SH3BP5: variants seen among roughly 807,000 people sequenced by gnomAD.
SH3BP5 encodes SH3 domain binding protein 5.
SH3BP5 carries 22 observed loss-of-function variants against 43.3 expected under a neutral mutation model. That is an observed-to-expected ratio of 0.51 (90% confidence interval 0.36 to 0.73). The LOEUF is 0.73. Ranked by LOEUF, SH3BP5 falls within the 30% of genes least tolerant of loss-of-function variation. The pLI, the probability that SH3BP5 is intolerant of heterozygous loss-of-function variation, is 0.00. For synonymous variants in SH3BP5, 255 were observed against 225.8 expected, an observed-to-expected ratio of 1.13 and a Z score of -1.16; for missense variants, 529 against 586.9, an observed-to-expected ratio of 0.90 and a Z score of 1.02.
At chr3:15,269,091 G>A (rs1235791027) in intron 4 of SH3BP5, among the ~76,000 whole-genome samples, 1 of 152,140 alleles carries the variant, frequency 6.6e-6, no homozygotes, top group Non-Finnish European at 1.5e-5. Context: ...TTCTGGCTCT[G>A]AGTAACGCAG....
intron 2 of SH3BP5, among the ~76,000 whole-genome samples, chr3:15,326,928 C>A (rs979024393): frequency 6.6e-6 from 1 of 152,162 alleles, no homozygotes; most frequent in African/African-American, 2.4e-5. Context: ...AATAAAGTGT[C>A]TTTTAATGGA....
At chr3:15,301,900 C>A (rs1209003831) in intron 3 of SH3BP5, among the ~76,000 whole-genome samples, 1 of 152,092 alleles carries the variant, frequency 6.6e-6, no homozygotes, top group Non-Finnish European at 1.5e-5. Flanking sequence ...GAAGCCACTG[C>A]CGCGACTCCA....
intron 3 of SH3BP5, among the ~76,000 whole-genome samples, chr3:15,271,301 T>C (rs1696791246): frequency 6.6e-6 from 1 of 152,096 alleles, no homozygotes; most frequent in African/African-American, 2.4e-5. Flanking sequence ...CGCTTGAGGT[T>C]ACAGTGAAAT....
chr3:15,320,103 T>C (rs1167065992), intron 2 of SH3BP5, among the ~76,000 whole-genome samples: 1 of 152,148 alleles, frequency 6.6e-6, no homozygotes, highest in Non-Finnish European at 1.5e-5. Context: ...GCTGAATCCC[T>C]TTGCATGCTG....
chr3:15,310,699 A>G (rs1175279729), intron 2 of SH3BP5, among the ~76,000 whole-genome samples: 1 of 152,190 alleles, frequency 6.6e-6, no homozygotes, highest in Admixed American at 6.5e-5. Context: ...TCAGCACTTG[A>G]AAGAGTTCTT....
intron 3 of SH3BP5, among the ~76,000 whole-genome samples, chr3:15,288,683 T>C (rs562628679): frequency 3.7e-4 from 56 of 152,286 alleles, no homozygotes; most frequent in Non-Finnish European, 5.7e-4. Flanking sequence ...GAGGTTGCAG[T>C]GAGCCGGGAT....
chr3:15,329,982 A>G (rs1292416939), intron 2 of SH3BP5, among the ~76,000 whole-genome samples: 2 of 152,252 alleles, frequency 1.3e-5, no homozygotes, highest in Non-Finnish European at 2.9e-5. Context: ...GCTTTTTGTT[A>G]CCATTATAAT....
At chr3:15,332,718 C>A, upstream of SH3BP5, 1 of 1,036,936 alleles carries the variant, frequency 9.6e-7, no homozygotes, top group Non-Finnish European at 1.2e-6. Flanking sequence ...CCCCAGCTCC[C>A]TCCACATCTC....
chr3:15,299,915 G>A (rs940276522), intron 3 of SH3BP5, among the ~76,000 whole-genome samples: 4 of 151,892 alleles, frequency 2.6e-5, no homozygotes, highest in African/African-American at 4.8e-5. Context: ...AATGGCATAC[G>A]TACTTTTATT....
intron 4 of SH3BP5, among the ~76,000 whole-genome samples, chr3:15,264,689 G>A (rs958193480): frequency 2.0e-5 from 3 of 152,140 alleles, no homozygotes; most frequent in African/African-American, 7.2e-5. Flanking sequence ...AGGGCTAAGA[G>A]AATCCTTTCC....
At chr3:15,289,070 A>G (rs1004886687) in intron 3 of SH3BP5, among the ~76,000 whole-genome samples, 2 of 152,218 alleles carry the variant, frequency 1.3e-5, no homozygotes, top group African/African-American at 4.8e-5. Context: ...TCCATGCTCA[A>G]AAGAGTCTTA....
intron 2 of SH3BP5, 148 bp from the exon 3 acceptor site, chr3:15,304,379 C>T: frequency 8.2e-7 from 1 of 1,226,630 alleles, no homozygotes; most frequent in Non-Finnish European, 1.2e-6. Context: ...GTGTCTAGAG[C>T]AGCACCGCCC....
At chr3:15,295,390 T>C (rs978467561) in intron 3 of SH3BP5, among the ~76,000 whole-genome samples, 1 of 152,230 alleles carries the variant, frequency 6.6e-6, no homozygotes, top group Non-Finnish European at 1.5e-5. Flanking sequence ...CCACCCTGCC[T>C]TCTTGTTTTG....
rs771644620 is a variant in SH3BP5 at position 15,332,449 on chromosome 3, C to G, written c.-41G>C. On this transcript the variant is annotated 5_prime_UTR_variant, in exon 1 of 9. Coordinates refer to ENST00000383791, the MANE Select transcript of SH3BP5 (RefSeq NM_004844.5). ...GCGCGCCGCGCAGTGGGCTCCGGAG[C>G]GCCCCGGGGGTCGCGGCTGCCACAG... is the stretch of plus-strand genomic sequence containing the variant. 4.0e-5 allele frequency: 59 copies of G among 1,493,206 alleles called. 2 individuals carry two copies. In the South Asian group the frequency reaches 5.0e-4, roughly 13 times the overall value. 92.5% of individuals were successfully genotyped at this position (1,493,206 alleles called of 1,614,324 possible). A position where few individuals can be genotyped will look rare whatever the true frequency, so the allele number is the denominator to read the frequency against.
In SH3BP5 at chr3:15,255,901, GA is replaced by G. The variant is rs1476646052; in HGVS notation, c.*184del. ...CTACCCACAACAAGAACTCTGCTCT[GA>G]AAAACCAGCCCAAGAGCTCTTACCC... On this transcript the variant is annotated 3_prime_UTR_variant, in exon 9 of 9. Transcript: ENST00000383791. 4.9e-6 allele frequency: 3 copies of G among 608,860 alleles called. No individual in the cohort carries two copies. In the African/African-American group the frequency reaches 5.5e-5, roughly 11 times the overall value. 37.7% of individuals were successfully genotyped at this position (608,860 alleles called of 1,614,324 possible). A position where few individuals can be genotyped will look rare whatever the true frequency, so the allele number is the denominator to read the frequency against.
intron 1 of SH3BP5, 141 bp from the exon 2 acceptor site, chr3:15,330,707 A>G: frequency 7.1e-7 from 1 of 1,402,414 alleles, no homozygotes; most frequent in Non-Finnish European, 9.3e-7. Context: ...TACGGCAAAC[A>G]GTTGAGGCTT....
chr3:15,308,073 C>G (rs1276791757), intron 2 of SH3BP5, among the ~76,000 whole-genome samples: 2 of 152,236 alleles, frequency 1.3e-5, no homozygotes, highest in Non-Finnish European at 2.9e-5. Flanking sequence ...AAGGTGCCCC[C>G]TTAGGCAGGG....
chr3:15,314,360 C>T (rs1408645043), intron 2 of SH3BP5, among the ~76,000 whole-genome samples: 2 of 152,028 alleles, frequency 1.3e-5, no homozygotes, highest in African/African-American at 4.8e-5. Flanking sequence ...CCTCAGGATG[C>T]CTTCCCTCCC....
intron 4 of SH3BP5, among the ~76,000 whole-genome samples, chr3:15,265,105 A>G (rs539421819): frequency 6.6e-6 from 1 of 152,166 alleles, no homozygotes; most frequent in South Asian, 2.1e-4. Context: ...GCCCATGGCA[A>G]TACTGGCAGT....
Sources: allele counts gnomAD v4.1 joint callset (sites outside exome capture counted in the v4.1 genomes callset), GRCh38; gene constraint gnomAD v4.1.1; transcripts MANE v1.5; gene names NCBI Gene and HGNC (gene_info 2026-07-23, HGNC 2026-07-21).